The following HTR1F variants were observed in gnomAD, a reference collection of about 807,000 sequenced individuals.
The protein encoded by HTR1F is 5-hydroxytryptamine (serotonin) receptor 1F, G protein-coupled.
In HTR1F, 17 loss-of-function variants were observed where a neutral mutation model predicts 24.0. That is an observed-to-expected ratio of 0.71 (90% confidence interval 0.48 to 1.06). The LOEUF is 1.06. Among genes scored for constraint, HTR1F ranks in the 50% least tolerant of loss-of-function variants. The pLI is 0.00. For synonymous variants in HTR1F, 186 were observed against 156.8 expected, an observed-to-expected ratio of 1.19 and a Z score of -1.39; for missense variants, 391 against 427.8, an observed-to-expected ratio of 0.91 and a Z score of 0.76.
At chr3:87,874,901 A>G (rs2107265763) in intron 2 of HTR1F, among the ~76,000 whole-genome samples, 1 of 152,322 alleles carries the variant, frequency 6.6e-6, no homozygotes, top group Admixed American at 6.5e-5. Context: ...AGTCTCCTCA[A>G]CAAATGATGT....
At chr3:87,915,140 T>C (rs1703865429) in intron 2 of HTR1F, among the ~76,000 whole-genome samples, 2 of 151,998 alleles carry the variant, frequency 1.3e-5, no homozygotes, top group African/African-American at 4.8e-5. Flanking sequence ...GCCACGTCCA[T>C]AGGAAAAGGG....
At chr3:87,972,716 A>G (rs1705311234) in intron 2 of HTR1F, among the ~76,000 whole-genome samples, 1 of 152,152 alleles carries the variant, frequency 6.6e-6, no homozygotes, top group Admixed American at 6.5e-5. Flanking sequence ...GTAACAGAGG[A>G]ATCAAACCTC....
At chr3:87,971,290 G>A (rs76439530) in intron 2 of HTR1F, among the ~76,000 whole-genome samples, 13,384 of 152,014 alleles carry the variant, frequency 0.088, 621 homozygotes, top group South Asian at 0.1. Flanking sequence ...AACAATGGCC[G>A]GGCATGGTGA....
chr3:87,883,720 G>A (rs778606714), intron 2 of HTR1F, among the ~76,000 whole-genome samples: 3 of 152,108 alleles, frequency 2.0e-5, no homozygotes, highest in East Asian at 1.9e-4. Flanking sequence ...TAGCCAATTC[G>A]ATCAAGTGGA....
chr3:87,933,778 C>A (rs1704344107), intron 2 of HTR1F, among the ~76,000 whole-genome samples: 2 of 152,156 alleles, frequency 1.3e-5, no homozygotes, highest in South Asian at 4.1e-4. Context: ...GGCCATACTG[C>A]CCAAGGTAAT....
At chr3:87,922,739 T>G (rs747735450) in intron 2 of HTR1F, among the ~76,000 whole-genome samples, 1 of 151,932 alleles carries the variant, frequency 6.6e-6, no homozygotes, top group Non-Finnish European at 1.5e-5. Context: ...CTTCTTCATG[T>G]GAATATCCCG....
At chr3:87,895,573 T>C (rs1488997724) in intron 2 of HTR1F, among the ~76,000 whole-genome samples, 3 of 152,182 alleles carry the variant, frequency 2.0e-5, no homozygotes, top group Non-Finnish European at 2.9e-5. Context: ...TTCCTCATGA[T>C]ACAAAATACA....
intron 2 of HTR1F, among the ~76,000 whole-genome samples, chr3:87,825,919 T>C (rs182093554): frequency 3.9e-5 from 6 of 152,332 alleles, no homozygotes; most frequent in Admixed American, 3.9e-4. Flanking sequence ...ATCAGTGGTG[T>C]AATACTGGAT....
chr3:87,902,445 G>A (rs948886172), intron 2 of HTR1F, among the ~76,000 whole-genome samples: 3 of 152,064 alleles, frequency 2.0e-5, no homozygotes, highest in Non-Finnish European at 2.9e-5. Flanking sequence ...CTAAATGTGA[G>A]AAGATAGGAA....
chr3:87,909,804 G>T (rs1703738847), intron 2 of HTR1F, among the ~76,000 whole-genome samples: 1 of 151,924 alleles, frequency 6.6e-6, no homozygotes, highest in Non-Finnish European at 1.5e-5. Context: ...CTCTCAGTTG[G>T]TCTAAGAACT....
At chr3:87,879,869 T>C (rs1269787148) in intron 2 of HTR1F, among the ~76,000 whole-genome samples, 1 of 152,188 alleles carries the variant, frequency 6.6e-6, no homozygotes, top group Admixed American at 6.6e-5. Context: ...ATGGCATATT[T>C]TTTTCTGTTA....
chr3:87,923,207 A>C (rs1704049249), intron 2 of HTR1F, among the ~76,000 whole-genome samples: 1 of 152,014 alleles, frequency 6.6e-6, no homozygotes, highest in African/African-American at 2.4e-5. Context: ...TGATGCCTCC[A>C]GCTTTGTTCT....
chr3:87,941,634 G>A (rs895150670), intron 2 of HTR1F, among the ~76,000 whole-genome samples: 26 of 152,190 alleles, frequency 1.7e-4, no homozygotes, highest in African/African-American at 6.3e-4. Flanking sequence ...GACCCTTGGA[G>A]TAAAACCGTC....
At chr3:87,911,155 C>A (rs1703771280) in intron 2 of HTR1F, among the ~76,000 whole-genome samples, 1 of 151,772 alleles carries the variant, frequency 6.6e-6, no homozygotes, top group African/African-American at 2.4e-5. Context: ...CACAAAAAAA[C>A]ACTCGAAAGA....
At chr3:87,865,575 A>C (rs996476021) in intron 2 of HTR1F, among the ~76,000 whole-genome samples, 1 of 152,150 alleles carries the variant, frequency 6.6e-6, no homozygotes, top group African/African-American at 2.4e-5. Flanking sequence ...AATAAATATG[A>C]ATTTTTTGTG....
Position 87,956,376 on chromosome 3 carries a change from A to G in HTR1F, c.-42-34332A>G, listed in dbSNP as rs79928242. Among the ~76,000 whole-genome samples, 40 of 151,516 alleles carry G rather than the reference A, an allele frequency of 2.6e-4. No homozygotes were observed. In the East Asian group the frequency reaches 6.4e-3, roughly 24 times the overall value. On this transcript the variant is annotated intron_variant, in intron 2 of 2. Transcript: ENST00000319595. ...ACTCTTTAAAGTATTGCTATGACGTATATCTCTGCTGTTCACCAATACCAC... is the reference window on the plus strand; with the variant it reads ...ACTCTTTAAAGTATTGCTATGACGTGTATCTCTGCTGTTCACCAATACCAC...
chr3:87,987,683 T>A (rs1397588071), intron 2 of HTR1F, among the ~76,000 whole-genome samples: 2 of 127,502 alleles, frequency 1.6e-5, no homozygotes, highest in African/African-American at 2.9e-5. Context: ...ATATATATAT[T>A]TTATATATAT....
chr3:87,817,347 C>A lies in HTR1F; in HGVS notation c.-159-4661C>A, dbSNP rs534014876. Among the ~76,000 whole-genome samples the A allele has an allele frequency of 3.8e-4, 58 of 152,084 alleles. 1 individual carries two copies. The South Asian group carries it at 0.011, about 29-fold the overall frequency. ...GATAAGTACATCTCTATATAGTGTG[C>A]AATATATCATTATACAAAAACAGTC... On this transcript the variant is annotated intron_variant, in intron 1 of 2. Transcript: ENST00000319595.
Position 87,990,691 on chromosome 3 carries a change from C to A in HTR1F, c.-42-17C>A. 2.3e-6 allele frequency: 3 copies of A among 1,332,680 alleles called. No homozygotes were observed. Among genetic ancestry groups the A allele is most frequent in the South Asian group, 1.4e-5 (1 of 73,598 alleles). The allele number at this position is 1,332,680 out of a possible 1,614,324, so 82.6% of individuals were successfully genotyped here. The stretch of plus-strand genomic sequence containing the variant: ...TGAAGCCTTCTCTGAACTGTTTTTT[C>A]TCTTCCCTTGTTACAGGTATCCATT... On this transcript the variant is annotated splice_polypyrimidine_tract_variant and intron_variant, in intron 2 of 2. Coordinates refer to ENST00000319595, the MANE Select transcript of HTR1F (RefSeq NM_001322209.2).
Sources: allele counts gnomAD v4.1 joint callset (sites outside exome capture counted in the v4.1 genomes callset), GRCh38; gene constraint gnomAD v4.1.1; transcripts MANE v1.5; gene names NCBI Gene and HGNC (gene_info 2026-07-23, HGNC 2026-07-21).